Variants in BRWD1 observed in about 807,000 individuals in gnomAD.
BRWD1 encodes bromodomain and WD repeat-containing protein 1.
In BRWD1, 82 loss-of-function variants were observed where a neutral mutation model predicts 251.2. The ratio of observed to expected loss-of-function variants is 0.33; its 90% CI spans 0.27 to 0.39. BRWD1 has a LOEUF of 0.39. Ranked by LOEUF, BRWD1 falls within the 10% of genes least tolerant of loss-of-function variation. The pLI, the probability that BRWD1 is intolerant of heterozygous loss-of-function variation, is 1.00. For missense variants in BRWD1, 2,233 were observed against 2,711.6 expected, an observed-to-expected ratio of 0.82 and a Z score of 3.92; for synonymous variants, 918 against 902.8, an observed-to-expected ratio of 1.02 and a Z score of -0.30.
intron 29 of BRWD1, among the ~76,000 whole-genome samples, chr21:39,218,922 C>G (rs544027453): frequency 6.6e-6 from 1 of 152,078 alleles, no homozygotes; most frequent in Non-Finnish European, 1.5e-5. Flanking sequence ...TCTATTTCTT[C>G]AAGGAGGCAA....
intron 35 of BRWD1, 145 bp from the exon 36 acceptor site, chr21:39,210,292 G>C: frequency 1.5e-6 from 1 of 671,218 alleles, no homozygotes; most frequent in Non-Finnish European, 2.4e-6. Flanking sequence ...TGTTTAAAAA[G>C]AGGTATAAAA....
chr21:39,311,642 A>T lies in BRWD1; in HGVS notation c.198+1199T>A, dbSNP rs141667722. 2.9e-3 allele frequency among the ~76,000 whole-genome samples: 439 copies of T among 152,384 alleles called. 2 individuals are homozygous for T. The highest frequency in any genetic ancestry group is 0.01 in the African/African-American group (416 of 41,598). On this transcript the variant is annotated intron_variant, in intron 4 of 40. Transcript: ENST00000342449. ...TCCTTTAAATGTTTCCTCAACGTTT[A>T]CAAAAATAAACTATCTCAAAATGTC...
At chr21:39,294,857 G>T (rs1042038317) in intron 7 of BRWD1, among the ~76,000 whole-genome samples, 1 of 152,098 alleles carries the variant, frequency 6.6e-6, no homozygotes. Flanking sequence ...AGAAACATTT[G>T]ATTATCTACT....
At chr21:39,282,633 G>C (rs2035506763) in intron 8 of BRWD1, among the ~76,000 whole-genome samples, 1 of 151,968 alleles carries the variant, frequency 6.6e-6, no homozygotes, top group Non-Finnish European at 1.5e-5. Context: ...TAAAACATCA[G>C]AGTAAAACTC....
At position 39,200,356 on chromosome 21, in the gene BRWD1, G is replaced by A; in HGVS notation, c.4616C>T (p.Ser1539Phe). ...ESEVEDSLAT[S>F]LSSSASSSSE... ...ACTACTGGAAGCTGACGATGACAAA[G>A]AGGTAGCTAAAGAATCTTCCACTTC... Residue 1539 changes from serine to phenylalanine, a missense_variant, in exon 39 of 41, where the codon TCT becomes TTT. By Grantham distance (155) the Ser-to-Phe change is radical. This residue lies in a region of BRWD1 where 928 missense variants were observed against 970.0 expected (regional missense o/e 0.96). Coordinates refer to ENST00000342449, the MANE Select transcript of BRWD1 (RefSeq NM_033656.4). The A allele has an allele frequency of 6.2e-7, 1 of 1,612,882 alleles. No homozygotes were observed. Among genetic ancestry groups the A allele is most frequent in the Non-Finnish European group, 8.5e-7 (1 of 1,179,724 alleles).
intron 29 of BRWD1, chr21:39,219,392 C>T (rs1358271512): frequency 6.6e-6 from 1 of 152,216 alleles, no homozygotes; most frequent in Non-Finnish European, 1.5e-5. Flanking sequence ...TGCACTCCAG[C>T]CTGGGCAACA....
At chr21:39,264,810 A>C in intron 16 of BRWD1, 81 bp downstream of exon 16, 1 of 1,556,788 alleles carries the variant, frequency 6.4e-7, no homozygotes, top group Admixed American at 1.9e-5. Context: ...ACTGTTTCCA[A>C]AACATAGCTC....
At position 39,274,309 on chromosome 21, in the gene BRWD1, G is replaced by C. The variant is rs1042898125; in HGVS notation, c.1244+65C>G. 1.2e-5 allele frequency: 14 copies of C among 1,132,538 alleles called. No homozygotes were observed. The African/African-American group carries it at 1.7e-4, about 14-fold the overall frequency. The allele number at this position is 1,132,538 out of a possible 1,614,324, so 70.2% of individuals were successfully genotyped here. A position where few individuals can be genotyped will look rare whatever the true frequency, so the allele number is the denominator to read the frequency against. On this transcript the variant is annotated intron_variant, in intron 13 of 40. Coordinates refer to ENST00000342449, the MANE Select transcript of BRWD1 (RefSeq NM_033656.4). ...CCACTGAGAGACACAGAGAGCGAGAGAGAGAGAGAGAGAGAGACAGATCGA... is the reference window on the plus strand; with the variant it reads ...CCACTGAGAGACACAGAGAGCGAGACAGAGAGAGAGAGAGAGACAGATCGA...
intron 4 of BRWD1, among the ~76,000 whole-genome samples, chr21:39,304,436 CA>C (rs35481741): frequency 0.25 from 38,194 of 151,624 alleles, 5,851 homozygotes; most frequent in Non-Finnish European, 0.35. Context: ...TATAGTGAGA[CA>C]GTCTCTAGAA....
At chr21:39,246,727 A>G (rs2034202330) in intron 21 of BRWD1, among the ~76,000 whole-genome samples, 1 of 152,230 alleles carries the variant, frequency 6.6e-6, no homozygotes, top group Non-Finnish European at 1.5e-5. Context: ...AATGCTCAAC[A>G]TACTAATCAT....
Position 39,191,121 on chromosome 21 carries a change from C to A in BRWD1, c.*5138G>T. ...CCTTAAGAGCATTTCACACTAAATG[C>A]AGGCAGAATCAGAAGTAAATACTTG... is the stretch of plus-strand genomic sequence containing the variant. On this transcript the variant is annotated 3_prime_UTR_variant, in exon 41 of 41. Transcript: ENST00000342449. 2 of 985,346 alleles carry A rather than the reference C, an allele frequency of 2.0e-6. No homozygotes were observed. The highest frequency in any genetic ancestry group is 2.4e-6 in the Non-Finnish European group (2 of 829,898). The allele number at this position is 985,346 out of a possible 1,614,324, so 61.0% of individuals were successfully genotyped here. A position where few individuals can be genotyped will look rare whatever the true frequency, so the allele number is the denominator to read the frequency against.
rs2031607749 is a variant in BRWD1, at chr21:39,192,576, C to T, written c.*3683G>A. On this transcript the variant is annotated 3_prime_UTR_variant, in exon 41 of 41. Coordinates refer to ENST00000342449, the MANE Select transcript of BRWD1 (RefSeq NM_033656.4). The stretch of plus-strand genomic sequence containing the variant: ...TAATTGAACTATAATTTCCATACAA[C>T]ATAAGAAAACTACAGTATTTGGTGA... 4 of 983,942 alleles carry T rather than the reference C, an allele frequency of 4.1e-6. No individual in the cohort carries two copies. The highest frequency in any genetic ancestry group is 1.1e-4 in the East Asian group (1 of 8,808). The allele number at this position is 983,942 out of a possible 1,614,324, so 61.0% of individuals were successfully genotyped here.
intron 23 of BRWD1, 23 bp from the exon 24 acceptor site, chr21:39,232,521 G>T: frequency 6.3e-7 from 1 of 1,578,642 alleles, no homozygotes; most frequent in Non-Finnish European, 8.5e-7. Context: ...AGAGAACAAA[G>T]TTTCTTAGAT....
At position 39,203,447 on chromosome 21, in the gene BRWD1, T is replaced by C. The variant is rs1224934283; in HGVS notation, c.4365-902A>G. On this transcript the variant is annotated intron_variant, in intron 37 of 40. Transcript: ENST00000342449. Reference sequence around the variant, plus strand: ...GAGCAAGACCCTGGTTCTTTTTTTTTTTTTTTTTTTTTTTTGAGACAGAGT... The same window carrying C: ...GAGCAAGACCCTGGTTCTTTTTTTTCTTTTTTTTTTTTTTTGAGACAGAGT... Among the ~76,000 whole-genome samples the C allele has an allele frequency of 5.1e-5, 7 of 137,970 alleles. 1 individual carries two copies. The highest frequency in any genetic ancestry group is 1.4e-4 in the Admixed American group (2 of 13,832). 90.5% of individuals were successfully genotyped at this position (137,970 alleles called of 152,430 possible).
At chr21:39,314,135 C>A (rs1355140978), upstream of BRWD1, 43 of 455,958 alleles carry the variant, frequency 9.4e-5, no homozygotes, top group East Asian at 3.0e-3. Context: ...CACGGAAGAC[C>A]CCTCGCTTCG....
intron 12 of BRWD1, 53 bp from the exon 13 acceptor site, chr21:39,274,525 G>A: frequency 7.3e-7 from 1 of 1,370,538 alleles, no homozygotes; most frequent in South Asian, 1.2e-5. Context: ...TCCAACAAGG[G>A]CTACAATTAA....
chr21:39,202,173 T>A lies in BRWD1; in HGVS notation c.4585+152A>T, dbSNP rs149864269. On this transcript the variant is annotated intron_variant, in intron 38 of 40. Transcript: ENST00000342449. ...CACTTACAGAAGATAACCGAATTGT[T>A]CCATGTTTATTATGTTTATCTCTTC... 1.3e-3 allele frequency: 705 copies of A among 549,872 alleles called. 2 individuals carry two copies. The highest frequency in any genetic ancestry group is 0.012 in the African/African-American group (651 of 53,314). The allele number at this position is 549,872 out of a possible 1,614,324, so 34.1% of individuals were successfully genotyped here.
Position 39,191,531 on chromosome 21 carries a change from GAA to G in BRWD1, c.*4726_*4727del. ...AACATTAACGATCTTATGTGAAGTG[GAA>G]AACTAAAGATCTGCTTGACAGGCTC... On this transcript the variant is annotated 3_prime_UTR_variant, in exon 41 of 41. Transcript: ENST00000342449. 1.0e-6 allele frequency: 1 copy of G among 980,900 alleles called. No individual in the cohort carries two copies. Among genetic ancestry groups the G allele is most frequent in the Non-Finnish European group, 1.2e-6 (1 of 825,950 alleles). The allele number at this position is 980,900 out of a possible 1,614,324, so 60.8% of individuals were successfully genotyped here. A position where few individuals can be genotyped will look rare whatever the true frequency, so the allele number is the denominator to read the frequency against.
rs369256167 is a variant in BRWD1 at position 39,232,537 on chromosome 21, A to C, written c.2767-39T>G. 4 of 1,577,112 alleles carry C rather than the reference A, an allele frequency of 2.5e-6. No homozygotes were observed. The African/African-American group carries it at 4.1e-5, about 16-fold the overall frequency. On this transcript the variant is annotated intron_variant, in intron 23 of 40. Transcript: ENST00000342449. Reference sequence around the variant, plus strand: ...GAGAACAAAGTTTCTTAGATTAGAAAGGGGCAGCATGCACTGTCTGAATGA... The same window carrying C: ...GAGAACAAAGTTTCTTAGATTAGAACGGGGCAGCATGCACTGTCTGAATGA...
Sources: gnomAD v4.1 joint callset for allele counts (sites outside exome capture counted in the v4.1 genomes callset) on GRCh38, gnomAD v4.1.1 for gene constraint, gnomAD v4.1.1 regional missense constraint, MANE v1.5 for transcripts, NCBI Gene and HGNC (gene_info 2026-07-23, HGNC 2026-07-21) for gene names.